The following PEAK1 variants were observed in gnomAD, a reference collection of about 807,000 sequenced individuals.
PEAK1 encodes inactive tyrosine-protein kinase PEAK1.
PEAK1 carries 54 observed loss-of-function variants against 124.7 expected under a neutral mutation model. That is an observed-to-expected ratio of 0.43 (90% CI 0.35 to 0.54). The LOEUF (loss-of-function observed/expected upper bound fraction) is 0.54. PEAK1 is among the 20% of genes least tolerant of loss of function. PEAK1 has a pLI of 0.01. For synonymous variants in PEAK1, 719 were observed against 760.0 expected (o/e 0.95, Z 0.89); for missense variants, 2,046 against 2,134.5 (o/e 0.96, Z 0.82).
At chr15:77,335,764 T>C (rs1253167534) in intron 2 of PEAK1, 29 of 983,668 alleles carry the variant, frequency 2.9e-5, no homozygotes, top group Non-Finnish European at 3.1e-5. Flanking sequence ...GTGCTCAGAT[T>C]ACAGGTGTGA....
chr15:77,188,546 A>T (rs1352149145), intron 6 of PEAK1, among the ~76,000 whole-genome samples: 1 of 152,220 alleles, frequency 6.6e-6, no homozygotes, highest in Admixed American at 6.5e-5. Flanking sequence ...ATCAGAGAAG[A>T]AGTTAAAGTA....
intron 2 of PEAK1, among the ~76,000 whole-genome samples, chr15:77,302,994 C>T (rs2063871813): frequency 1.3e-5 from 2 of 152,166 alleles, no homozygotes; most frequent in Non-Finnish European, 2.9e-5. Context: ...TTTGCCTTTA[C>T]CAGAATGTCA....
At chr15:77,403,101 T>C (rs759397279) in intron 1 of PEAK1, 2 of 985,382 alleles carry the variant, frequency 2.0e-6, no homozygotes, top group Non-Finnish European at 2.4e-6. Context: ...AGAAACCCTT[T>C]CTAAATTGGA....
At chr15:77,288,822 G>A (rs745379787) in intron 2 of PEAK1, among the ~76,000 whole-genome samples, 1 of 151,754 alleles carries the variant, frequency 6.6e-6, no homozygotes, top group Non-Finnish European at 1.5e-5. Context: ...CCAGCTACTC[G>A]GGAGACTGAG....
intron 1 of PEAK1, among the ~76,000 whole-genome samples, chr15:77,407,978 CAT>C (rs1253828185): frequency 7.0e-6 from 1 of 143,524 alleles, no homozygotes; most frequent in African/African-American, 2.5e-5. Context: ...TATATACACA[CAT>C]ATACATATAT....
intron 7 of PEAK1, chr15:77,177,919 T>A (rs373954111): frequency 1.3e-5 from 2 of 152,302 alleles, no homozygotes; most frequent in African/African-American, 4.8e-5. Flanking sequence ...ATAAGGAGGA[T>A]ACATGCTTTA....
At chr15:77,170,092 C>G (rs1390336731) in intron 7 of PEAK1, among the ~76,000 whole-genome samples, 1 of 151,986 alleles carries the variant, frequency 6.6e-6, no homozygotes, top group Non-Finnish European at 1.5e-5. Context: ...GTTTAAAGAA[C>G]CCCTTTTTCA....
At chr15:77,314,953 T>TC (rs1259486058) in intron 2 of PEAK1, among the ~76,000 whole-genome samples, 1 of 152,120 alleles carries the variant, frequency 6.6e-6, no homozygotes, top group Non-Finnish European at 1.5e-5. Context: ...GGCACTCTGC[T>TC]CACTACCTGG....
intron 8 of PEAK1, among the ~76,000 whole-genome samples, chr15:77,135,664 T>G (rs754665523): frequency 1.3e-5 from 2 of 152,174 alleles, no homozygotes; most frequent in Non-Finnish European, 2.9e-5. Context: ...GCACAGGTCT[T>G]TCCCGTACTG....
intron 6 of PEAK1, among the ~76,000 whole-genome samples, chr15:77,187,533 T>C (rs988097598): frequency 3.7e-4 from 57 of 152,202 alleles, no homozygotes; most frequent in African/African-American, 1.2e-3. Flanking sequence ...GGATTCAATT[T>C]CCATTAGTGA....
At chr15:77,388,086 G>T (rs999767805) in intron 1 of PEAK1, among the ~76,000 whole-genome samples, 11 of 152,146 alleles carry the variant, frequency 7.2e-5, no homozygotes, top group African/African-American at 2.7e-4. Context: ...CCAGCTACTT[G>T]TGGGGCTTGA....
chr15:77,151,826 T>C (rs1369889119), intron 8 of PEAK1, among the ~76,000 whole-genome samples: 3 of 152,208 alleles, frequency 2.0e-5, no homozygotes, highest in Non-Finnish European at 4.4e-5. Context: ...GTTGTAGATA[T>C]GTGGCGTTAT....
chr15:77,347,312 C>G lies in PEAK1; in HGVS notation c.-603+17851G>C, dbSNP rs771892695. On this transcript the variant is annotated intron_variant, in intron 2 of 9. Coordinates refer to ENST00000682557, the MANE Select transcript of PEAK1 (RefSeq NM_001385026.1). ...TCACTTTTGGACTAGTAATGACCAC[C>G]AGGAAACCTTCAACAAAAAAAAGAT... is the stretch of plus-strand genomic sequence containing the variant. The G allele has an allele frequency of 1.9e-5, 19 of 985,054 alleles. No homozygotes were observed. The African/African-American group carries it at 2.3e-4, about 12-fold the overall frequency. The allele number at this position is 985,054 out of a possible 1,614,324, so 61.0% of individuals were successfully genotyped here.
At chr15:77,327,662 G>GT (rs1287614719) in intron 2 of PEAK1, among the ~76,000 whole-genome samples, 1 of 151,654 alleles carries the variant, frequency 6.6e-6, no homozygotes, top group African/African-American at 2.4e-5. Flanking sequence ...TGTTGTTGTT[G>GT]TTTTTTTAAC....
rs753267917 is a variant in PEAK1 at position 77,133,476 on chromosome 15, G to A, written c.3606C>T (p.Ser1202=). 1.2e-6 allele frequency: 2 copies of A among 1,614,238 alleles called. No individual in the cohort carries two copies. The highest frequency in any genetic ancestry group is 1.7e-6 in the Non-Finnish European group (2 of 1,180,038). Residue 1202 remains serine (S), a synonymous_variant, in exon 9 of 10, where the codon TCC becomes TCT. Coordinates refer to ENST00000682557, the MANE Select transcript of PEAK1 (RefSeq NM_001385026.1). This position sits in a 1 kb window ranked among gnomAD's most constrained non-coding sequence, Gnocchi z 4.2. ...PNWDASSAGS[S]ISYELKGLDI... ...CCAGTCCTTTGAGTTCATAGCTGAT[G>A]GAAGAACCAGCACTGCTGGCATCCC...
At chr15:77,288,929 A>C (rs1238263382) in intron 2 of PEAK1, among the ~76,000 whole-genome samples, 3 of 82,356 alleles carry the variant, frequency 3.6e-5, no homozygotes, top group Non-Finnish European at 8.5e-5. Context: ...CTCCGTCTCA[A>C]AAAAAAAAAA....
intron 5 of PEAK1, among the ~76,000 whole-genome samples, chr15:77,280,441 T>C (rs766887337): frequency 2.6e-5 from 4 of 152,208 alleles, no homozygotes; most frequent in Non-Finnish European, 2.9e-5. Flanking sequence ...TCTTCAATTA[T>C]TTAATAGATA....
intron 6 of PEAK1, among the ~76,000 whole-genome samples, chr15:77,206,186 A>G (rs1182237542): frequency 2.3e-5 from 3 of 131,704 alleles, no homozygotes; most frequent in African/African-American, 5.7e-5. Context: ...ATAGTATTCC[A>G]TGGTGTATAT....
At chr15:77,348,147 T>C (rs554063413) in intron 2 of PEAK1, 1 of 981,420 alleles carries the variant, frequency 1.0e-6, no homozygotes, top group East Asian at 1.2e-4. Flanking sequence ...CTACATGAGG[T>C]ATATGGCAAT....
Sources: gnomAD v4.1 joint callset for allele counts (sites outside exome capture counted in the v4.1 genomes callset) on GRCh38, gnomAD v4.1.1 for gene constraint, Gnocchi (gnomAD v3.1) non-coding constraint, MANE v1.5 for transcripts, NCBI Gene and HGNC (gene_info 2026-07-23, HGNC 2026-07-21) for gene names.